The following NTRK3 variants were observed in gnomAD, a reference collection of about 807,000 sequenced individuals.
NTRK3 encodes neurotrophic receptor tyrosine kinase 3.
Under a neutral mutation model 91.7 loss-of-function variants are expected in NTRK3, and 24 were observed. That is an observed-to-expected ratio of 0.26 (90% confidence interval 0.19 to 0.37). The LOEUF (loss-of-function observed/expected upper bound fraction) is 0.37, where lower values mean the gene tolerates loss of function less well. Ranked by LOEUF, NTRK3 falls within the 10% of genes least tolerant of loss-of-function variation. The pLI, the probability that NTRK3 is intolerant of heterozygous loss-of-function variation, is 1.00. For missense variants in NTRK3, 880 were observed against 1,068.9 expected (o/e 0.82, Z 2.46); for synonymous variants, 483 against 404.0 (o/e 1.20, Z -2.34).
At chr15:88,200,152 G>A (rs147251791) in intron 3 of NTRK3, among the ~76,000 whole-genome samples, 5 of 152,270 alleles carry the variant, frequency 3.3e-5, no homozygotes, top group Non-Finnish European at 5.9e-5. Flanking sequence ...ATGTCCCCCT[G>A]CATTCACCAC....
chr15:87,945,625 G>A (rs1235917764), intron 14 of NTRK3, among the ~76,000 whole-genome samples: 1 of 150,480 alleles, frequency 6.6e-6, no homozygotes, highest in South Asian at 2.1e-4. Flanking sequence ...TATACACAGA[G>A]CCGCTGGATA....
chr15:88,182,115 G>T (rs908394254), intron 5 of NTRK3, among the ~76,000 whole-genome samples: 1 of 152,210 alleles, frequency 6.6e-6, no homozygotes, highest in Admixed American at 6.5e-5. Flanking sequence ...AGCTGAAAGG[G>T]AGGTCTCAGT....
At chr15:88,113,482 A>G (rs11854091) in intron 13 of NTRK3, among the ~76,000 whole-genome samples, 2,245 of 151,924 alleles carry the variant, frequency 0.015, 57 homozygotes, top group African/African-American at 0.051. Flanking sequence ...CGCCCGGCTA[A>G]TTTTTATATT....
At chr15:88,063,664 G>C (rs935476559) in intron 13 of NTRK3, among the ~76,000 whole-genome samples, 1 of 152,164 alleles carries the variant, frequency 6.6e-6, no homozygotes. Flanking sequence ...CACTGAACCA[G>C]GCCTCTAGCA....
chr15:88,134,538 A>C (rs903732607), intron 10 of NTRK3, among the ~76,000 whole-genome samples: 2 of 152,192 alleles, frequency 1.3e-5, no homozygotes, highest in Non-Finnish European at 2.9e-5. Context: ...ATCCAAGTCA[A>C]ACCTTGTCAC....
At chr15:88,126,745 G>A (rs548403568) in intron 12 of NTRK3, among the ~76,000 whole-genome samples, 10 of 152,252 alleles carry the variant, frequency 6.6e-5, no homozygotes, top group African/African-American at 1.4e-4. Flanking sequence ...CAGGAAAGTC[G>A]AAAAGATCTG....
At chr15:87,937,596 A>G (rs1418811083) in intron 15 of NTRK3, among the ~76,000 whole-genome samples, 1 of 152,202 alleles carries the variant, frequency 6.6e-6, no homozygotes, top group Non-Finnish European at 1.5e-5. Flanking sequence ...GGTGCTGGGC[A>G]GGAAGAAATA....
At chr15:88,099,376 G>A (rs746596440) in intron 13 of NTRK3, 5 of 189,754 alleles carry the variant, frequency 2.6e-5, no homozygotes, top group Non-Finnish European at 5.5e-5. Flanking sequence ...TACAGTACCT[G>A]CTAAAAGCTA....
At position 88,212,700 on chromosome 15, in the gene NTRK3, TCACACACACACACA is replaced by T. The variant is rs60620542; in HGVS notation, c.249-28415_249-28402del. Among the ~76,000 whole-genome samples the T allele has an allele frequency of 7.3e-4, 107 of 146,212 alleles. 1 individual carries two copies. Among genetic ancestry groups the T allele is most frequent in the African/African-American group, 2.5e-3 (95 of 38,262 alleles). On this transcript the variant is annotated intron_variant, in intron 3 of 18. Transcript: ENST00000394480. The stretch of plus-strand genomic sequence containing the variant: ...CATGGAAGCTGTTTTGGCTGCTGCA[TCACACACACACACA>T]CACACACACACACACACACACACAC...
At position 88,235,180 on chromosome 15, in the gene NTRK3, A is replaced by G. The variant is rs560947336; in HGVS notation, c.248+20726T>C. Reference sequence around the variant, plus strand: ...TGATTGTACTGATTTCTTTGCTTGCATATCAACGGATGGCCTCTATCCACT... The same window carrying G: ...TGATTGTACTGATTTCTTTGCTTGCGTATCAACGGATGGCCTCTATCCACT... On this transcript the variant is annotated intron_variant, in intron 3 of 18. Coordinates refer to ENST00000394480, the Ensembl canonical transcript of NTRK3. This position sits in a 1 kb window ranked among gnomAD's most constrained non-coding sequence, Gnocchi z 5.2. Among the ~76,000 whole-genome samples the G allele has an allele frequency of 6.6e-6, 1 of 152,356 alleles. No homozygotes were observed. The highest frequency in any genetic ancestry group is 2.4e-5 in the African/African-American group (1 of 41,586).
intron 13 of NTRK3, among the ~76,000 whole-genome samples, chr15:88,069,042 A>C (rs1204256337): frequency 6.6e-6 from 1 of 152,196 alleles, no homozygotes; most frequent in Non-Finnish European, 1.5e-5. Flanking sequence ...TGGAGTGTAC[A>C]TGAAGGTCAC....
chr15:88,255,701 C>A lies in NTRK3; in HGVS notation c.248+205G>T, dbSNP rs1162607898. ...GGGGAGAGGCACACACACGCATAGC[C>A]GGATCGCGCCTCGCCAGGGCCGGAG... On this transcript the variant is annotated intron_variant, in intron 3 of 18. Transcript: ENST00000394480. This position sits in a 1 kb window ranked among gnomAD's most constrained non-coding sequence, Gnocchi z 4.3. Among the ~76,000 whole-genome samples, 1 of 152,146 alleles carries A rather than the reference C, an allele frequency of 6.6e-6. No individual in the cohort carries two copies. Among genetic ancestry groups the A allele is most frequent in the East Asian group, 1.9e-4 (1 of 5,168 alleles).
At chr15:87,932,313 G>C (rs1486321356) in intron 16 of NTRK3, among the ~76,000 whole-genome samples, 1 of 152,186 alleles carries the variant, frequency 6.6e-6, no homozygotes. Context: ...TTTATACTGT[G>C]CTTCCCTGTA....
intron 13 of NTRK3, among the ~76,000 whole-genome samples, chr15:88,116,811 A>G (rs537929826): frequency 2.6e-5 from 4 of 152,332 alleles, no homozygotes; most frequent in African/African-American, 9.6e-5. Context: ...CAGATATAGG[A>G]TGGTGGTTCC....
At chr15:87,895,076 G>A (rs1373298586) in intron 17 of NTRK3, among the ~76,000 whole-genome samples, 1 of 152,064 alleles carries the variant, frequency 6.6e-6, no homozygotes, top group Non-Finnish European at 1.5e-5. Flanking sequence ...TCAGAACCCA[G>A]GGCTTGAAAG....
At chr15:88,150,999 C>G (rs967164031) in intron 5 of NTRK3, among the ~76,000 whole-genome samples, 1 of 152,070 alleles carries the variant, frequency 6.6e-6, no homozygotes, top group Non-Finnish European at 1.5e-5. Flanking sequence ...GCTCATCAGA[C>G]AAGAGTTTAA....
intron 17 of NTRK3, among the ~76,000 whole-genome samples, chr15:87,912,459 G>A (rs929931737): frequency 6.6e-6 from 1 of 152,120 alleles, no homozygotes; most frequent in Non-Finnish European, 1.5e-5. Context: ...ATCTCTCTGA[G>A]CTTTAATTTA....
chr15:88,125,328 C>T (rs2053171521), intron 13 of NTRK3, among the ~76,000 whole-genome samples: 1 of 152,156 alleles, frequency 6.6e-6, no homozygotes, highest in African/African-American at 2.4e-5. Context: ...GTCCCTAAGC[C>T]CCAAGGTCCC....
At chr15:87,977,655 G>T (rs2073842365) in intron 14 of NTRK3, 1 of 232,554 alleles carries the variant, frequency 4.3e-6, no homozygotes, top group East Asian at 6.1e-5. Flanking sequence ...TGGGGAGCAG[G>T]ATGAGGAGAG....
Sources: allele counts gnomAD v4.1 joint callset (sites outside exome capture counted in the v4.1 genomes callset), GRCh38; gene constraint gnomAD v4.1.1; non-coding constraint Gnocchi (gnomAD v3.1); transcripts MANE v1.5; gene names NCBI Gene and HGNC (gene_info 2026-07-23, HGNC 2026-07-21).